The following DISC1 variants were observed in gnomAD, a reference collection of about 807,000 sequenced individuals.
The protein encoded by DISC1 is disrupted in schizophrenia 1 protein.
DISC1 carries 57 observed loss-of-function variants against 84.5 expected under a neutral mutation model. The observed-to-expected ratio is 0.67, with a 90% CI of 0.55 to 0.84. DISC1 has a LOEUF of 0.84. Ranked by LOEUF, DISC1 falls within the 40% of genes least tolerant of loss-of-function variation. DISC1 has a pLI of 0.00. For synonymous variants in DISC1, 411 were observed against 415.2 expected (o/e 0.99, Z 0.12); for missense variants, 1,000 against 1,057.8 (o/e 0.95, Z 0.76).
intron 11 of DISC1, among the ~76,000 whole-genome samples, chr1:232,019,379 T>C (rs1668748958): frequency 6.6e-6 from 1 of 152,204 alleles, no homozygotes; most frequent in African/African-American, 2.4e-5. Context: ...TTTGAATTGC[T>C]GAAAGGACCG....
intron 9 of DISC1, among the ~76,000 whole-genome samples, chr1:231,871,098 G>A (rs1464250714): frequency 5.3e-5 from 8 of 152,186 alleles, no homozygotes; most frequent in African/African-American, 1.9e-4. Flanking sequence ...TCTCAAAGGA[G>A]CTTCAAAGCT....
intron 9 of DISC1, among the ~76,000 whole-genome samples, chr1:231,855,867 T>A (rs985134199): frequency 5.9e-5 from 9 of 152,198 alleles, no homozygotes; most frequent in African/African-American, 2.2e-4. Flanking sequence ...CAAAAAAGGT[T>A]CTCATTGCTA....
chr1:231,877,791 A>G (rs994024881), intron 9 of DISC1, among the ~76,000 whole-genome samples: 1 of 152,366 alleles, frequency 6.6e-6, no homozygotes, highest in East Asian at 1.9e-4. Context: ...AAAACAAAAA[A>G]CACAACTGAA....
chr1:231,646,469 G>A (rs115996622), intron 1 of DISC1, among the ~76,000 whole-genome samples: 2,556 of 152,160 alleles, frequency 0.017, 31 homozygotes, highest in Non-Finnish European at 0.028. Context: ...AAACATAAGC[G>A]TGCATGTGTC....
chr1:231,759,817 C>T (rs903709640), intron 4 of DISC1, among the ~76,000 whole-genome samples: 2 of 152,158 alleles, frequency 1.3e-5, no homozygotes, highest in African/African-American at 4.8e-5. Flanking sequence ...TGTCCCACTC[C>T]CAGGAGACCA....
chr1:231,742,272 A>G (rs926563671), intron 3 of DISC1, among the ~76,000 whole-genome samples: 1 of 152,272 alleles, frequency 6.6e-6, no homozygotes, highest in Admixed American at 6.5e-5. Flanking sequence ...TCATTCGGGG[A>G]ACCCAGAGAG....
chr1:231,832,659 G>C (rs931122822), intron 9 of DISC1, among the ~76,000 whole-genome samples: 2 of 148,660 alleles, frequency 1.3e-5, no homozygotes, highest in African/African-American at 5.0e-5. Flanking sequence ...CTGGGATGAA[G>C]GGTGCAAAGG....
chr1:231,858,757 A>C (rs1004408004), intron 9 of DISC1, among the ~76,000 whole-genome samples: 1 of 152,024 alleles, frequency 6.6e-6, no homozygotes, highest in Non-Finnish European at 1.5e-5. Context: ...AGAAGTTTCC[A>C]TACCTTCCTG....
intron 6 of DISC1, among the ~76,000 whole-genome samples, chr1:231,779,549 G>GTTTTTTT (rs762129889): frequency 3.7e-5 from 2 of 53,568 alleles, no homozygotes; most frequent in Admixed American, 2.8e-4. Flanking sequence ...ACCTATTCTT[G>GTTTTTTT]TTTTTTTTTT....
chr1:231,780,001 T>A (rs2077280393), intron 6 of DISC1, among the ~76,000 whole-genome samples: 1 of 151,624 alleles, frequency 6.6e-6, no homozygotes, highest in Non-Finnish European at 1.5e-5. Flanking sequence ...GAAATAAAGC[T>A]CTCCATATTC....
chr1:232,023,959 C>T (rs570142721), intron 11 of DISC1, among the ~76,000 whole-genome samples: 26 of 151,764 alleles, frequency 1.7e-4, no homozygotes, highest in African/African-American at 5.6e-4. Context: ...GTCTACACTT[C>T]TGTGTAATCT....
intron 9 of DISC1, among the ~76,000 whole-genome samples, chr1:231,834,274 T>TCGGCC (rs2082464195): frequency 6.6e-6 from 1 of 151,846 alleles, no homozygotes; most frequent in Non-Finnish European, 1.5e-5. Context: ...TGGACCTAGC[T>TCGGCC]TGGCCTGGTG....
chr1:231,708,633 G>A (rs945625755), intron 3 of DISC1, among the ~76,000 whole-genome samples: 2 of 152,160 alleles, frequency 1.3e-5, no homozygotes, highest in African/African-American at 4.8e-5. Flanking sequence ...TTCAATTGAG[G>A]TCACGGAATC....
Position 231,670,186 on chromosome 1 carries a change from A to G in DISC1, c.68-23640A>G, listed in dbSNP as rs540495440. Among the ~76,000 whole-genome samples the G allele has an allele frequency of 5.3e-5, 8 of 152,318 alleles. No homozygotes were observed. In the South Asian group the frequency reaches 1.7e-3, roughly 32 times the overall value. On this transcript the variant is annotated intron_variant, in intron 1 of 12. Transcript: ENST00000439617. Reference sequence around the variant, plus strand: ...AGAACACATGGACATATAGAGGGGAACAATGCACACTAGGGCCTATTGAAG... The same window carrying G: ...AGAACACATGGACATATAGAGGGGAGCAATGCACACTAGGGCCTATTGAAG...
At chr1:231,912,279 T>A (rs1015429108) in intron 9 of DISC1, among the ~76,000 whole-genome samples, 3 of 152,230 alleles carry the variant, frequency 2.0e-5, no homozygotes, top group African/African-American at 7.2e-5. Flanking sequence ...ATTTTCAGCT[T>A]TTCTGCTCTG....
At chr1:231,917,903 A>C (rs1225007165) in intron 9 of DISC1, among the ~76,000 whole-genome samples, 1 of 152,228 alleles carries the variant, frequency 6.6e-6, no homozygotes, top group Non-Finnish European at 1.5e-5. Context: ...TTTCATATTC[A>C]ACGTGGAGAT....
At chr1:231,877,385 A>G (rs1049760854) in intron 9 of DISC1, among the ~76,000 whole-genome samples, 1 of 152,260 alleles carries the variant, frequency 6.6e-6, no homozygotes, top group African/African-American at 2.4e-5. Context: ...GCTAAATTCA[A>G]TGTACAATGG....
chr1:231,966,308 G>T (rs967678210), intron 10 of DISC1, among the ~76,000 whole-genome samples: 2 of 152,158 alleles, frequency 1.3e-5, no homozygotes, highest in Non-Finnish European at 2.9e-5. Flanking sequence ...CTCCTTCAGG[G>T]TTATTGTTTC....
chr1:231,953,525 G>A (rs777044386), intron 9 of DISC1, among the ~76,000 whole-genome samples: 2 of 152,210 alleles, frequency 1.3e-5, no homozygotes, highest in East Asian at 3.9e-4. Flanking sequence ...TCATTCACTC[G>A]AAGACAGCAT....
Sources: allele counts gnomAD v4.1 joint callset (sites outside exome capture counted in the v4.1 genomes callset), GRCh38; gene constraint gnomAD v4.1.1; transcripts MANE v1.5; gene names NCBI Gene and HGNC (gene_info 2026-07-23, HGNC 2026-07-21).